Variants in GPR161 observed in about 807,000 individuals in gnomAD.
GPR161 encodes G-protein coupled receptor RE2.
GPR161 carries 25 observed loss-of-function variants against 39.2 expected under a neutral mutation model. That is an observed-to-expected ratio of 0.64 (90% CI 0.47 to 0.89). GPR161 has a LOEUF of 0.89. Ranked by LOEUF, GPR161 falls within the 40% of genes least tolerant of loss-of-function variation. The pLI, the probability that GPR161 is intolerant of heterozygous loss-of-function variation, is 0.00. For missense variants in GPR161, 547 were observed against 677.8 expected (o/e 0.81, Z 2.14); for synonymous variants, 286 against 276.6 (o/e 1.03, Z -0.34).
In GPR161 at chr1:168,111,818, G is replaced by A. The variant is rs115439772; in HGVS notation, c.-44-6924C>T. On this transcript the variant is annotated intron_variant, in intron 1 of 5. Transcript: ENST00000682931. ...TTAAAGAAATATCCTCAAATTGAAA[G>A]AGCATATCAAGTTCTGAAAATAATT... 8.2e-3 allele frequency among the ~76,000 whole-genome samples: 1,242 copies of A among 152,174 alleles called. 3 individuals are homozygous for A. The highest frequency in any genetic ancestry group is 0.037 in the Middle Eastern group (11 of 294).
At chr1:168,111,299 G>A (rs928076147) in intron 1 of GPR161, among the ~76,000 whole-genome samples, 6 of 152,196 alleles carry the variant, frequency 3.9e-5, no homozygotes, top group Non-Finnish European at 7.3e-5. Flanking sequence ...CCTCAGAGAA[G>A]CCTGATCTTA....
chr1:168,136,316 G>C (rs1461047453), intron 1 of GPR161: 1 of 1,484,576 alleles, frequency 6.7e-7, no homozygotes, highest in East Asian at 2.8e-5. Flanking sequence ...CCTTTGCCCT[G>C]AGCGGGACGT....
In GPR161 at chr1:168,082,185, T is replaced by C. The variant is rs1252780265; in HGVS notation, c.*3346A>G. ...AATAAGAATCAAGGAACATTGGCACTAGATGGCCCTTGTCTTACACTCCTC... is the reference window on the plus strand; with the variant it reads ...AATAAGAATCAAGGAACATTGGCACCAGATGGCCCTTGTCTTACACTCCTC... On this transcript the variant is annotated 3_prime_UTR_variant, in exon 6 of 6. Transcript: ENST00000682931. The C allele has an allele frequency of 6.6e-6, 1 of 152,208 alleles. No homozygotes were observed. Among genetic ancestry groups the C allele is most frequent in the Non-Finnish European group, 1.5e-5 (1 of 68,054 alleles). 9.4% of individuals were successfully genotyped at this position (152,208 alleles called of 1,614,324 possible). A position where few individuals can be genotyped will look rare whatever the true frequency, so the allele number is the denominator to read the frequency against.
chr1:168,091,747 A>T (rs1695086918), intron 3 of GPR161, among the ~76,000 whole-genome samples: 1 of 152,214 alleles, frequency 6.6e-6, no homozygotes, highest in African/African-American at 2.4e-5. Flanking sequence ...CATCCTCAGA[A>T]TGTTAGGAAA....
rs1218112065 is a variant in GPR161, at chr1:168,084,190, G to C, written c.*1341C>G. 6.5e-6 allele frequency: 1 copy of C among 154,784 alleles called. No homozygotes were observed. The highest frequency in any genetic ancestry group is 2.4e-5 in the African/African-American group (1 of 41,442). 9.6% of individuals were successfully genotyped at this position (154,784 alleles called of 1,614,324 possible). ...CTGCCCCTCATGCATCTTGGTGGCT[G>C]GCATTCTATCCAGATTGTGCTCTAA... On this transcript the variant is annotated 3_prime_UTR_variant, in exon 6 of 6. Coordinates refer to ENST00000682931, the MANE Select transcript of GPR161 (RefSeq NM_001375883.1).
At chr1:168,136,283 G>A (rs1699363195) in intron 1 of GPR161, 1 of 1,451,930 alleles carries the variant, frequency 6.9e-7, no homozygotes, top group Non-Finnish European at 9.1e-7. Flanking sequence ...CCAGCCGAGG[G>A]GCGTGACCGC....
chr1:168,099,835 TTGG>T (rs1413081769), intron 2 of GPR161, among the ~76,000 whole-genome samples: 11 of 109,858 alleles, frequency 1.0e-4, no homozygotes, highest in African/African-American at 3.6e-4. Context: ...AGTTTTTTTT[TTGG>T]GGGGGGGGGG....
chr1:168,119,266 A>ATG lies in GPR161; in HGVS notation c.-44-14374_-44-14373dup, dbSNP rs546239917. ...TACACATATATATATACGTATATAT[A>ATG]TGTGTATATATATATATATATACAC... On this transcript the variant is annotated intron_variant, in intron 1 of 5. Coordinates refer to ENST00000682931, the MANE Select transcript of GPR161 (RefSeq NM_001375883.1). Among the ~76,000 whole-genome samples, 55 of 125,012 alleles carry ATG rather than the reference A, an allele frequency of 4.4e-4. 5 individuals carry two copies. Among genetic ancestry groups the ATG allele is most frequent in the East Asian group, 2.4e-3 (10 of 4,150 alleles). 82.0% of individuals were successfully genotyped at this position (125,012 alleles called of 152,430 possible).
chr1:168,104,076 G>T (rs535315820), intron 2 of GPR161, among the ~76,000 whole-genome samples: 2 of 152,242 alleles, frequency 1.3e-5, no homozygotes, highest in South Asian at 4.1e-4. Flanking sequence ...GGTGTTCCCT[G>T]TTCGGGCTGC....
intron 3 of GPR161, among the ~76,000 whole-genome samples, chr1:168,095,619 G>A (rs182155982): frequency 1.1e-4 from 17 of 152,256 alleles, no homozygotes; most frequent in Non-Finnish European, 2.1e-4. Context: ...ATGATGCTTC[G>A]ATGGAAGGCT....
chr1:168,130,114 C>T (rs908193508), intron 1 of GPR161, among the ~76,000 whole-genome samples: 27 of 152,320 alleles, frequency 1.8e-4, no homozygotes, highest in East Asian at 5.8e-4. Context: ...ACCCTGTAAG[C>T]GCTGCAGTTT....
chr1:168,136,401 C>A (rs1193026345), intron 1 of GPR161: 9 of 1,401,164 alleles, frequency 6.4e-6, no homozygotes, highest in African/African-American at 1.5e-5. Context: ...TCCCATCCAG[C>A]GGACTGTTTA....
At chr1:168,124,108 C>T (rs950904118) in intron 1 of GPR161, among the ~76,000 whole-genome samples, 6 of 152,206 alleles carry the variant, frequency 3.9e-5, no homozygotes, top group Non-Finnish European at 8.8e-5. Context: ...TCTTCATCTG[C>T]CCATCTATCT....
intron 1 of GPR161, 97 bp downstream of exon 1, chr1:168,136,642 C>G: frequency 8.2e-6 from 10 of 1,213,606 alleles, no homozygotes; most frequent in Non-Finnish European, 1.0e-5. Context: ...CGGCCCGCGC[C>G]CTGAGCCCTC....
At position 168,081,101 on chromosome 1, in the gene GPR161, T is replaced by A. The variant is rs1337725518; in HGVS notation, c.*4430A>T. Reference sequence around the variant, plus strand: ...CTGGTCTCGAACTCCTGACCTCAGGTGATCTGCCCATCTCGACCCCCCAAA... The same window carrying A: ...CTGGTCTCGAACTCCTGACCTCAGGAGATCTGCCCATCTCGACCCCCCAAA... On this transcript the variant is annotated 3_prime_UTR_variant, in exon 6 of 6. Coordinates refer to ENST00000682931, the MANE Select transcript of GPR161 (RefSeq NM_001375883.1). 1 of 152,114 alleles carries A rather than the reference T, an allele frequency of 6.6e-6. No homozygotes were observed. The highest frequency in any genetic ancestry group is 1.5e-5 in the Non-Finnish European group (1 of 68,046). The allele number at this position is 152,114 out of a possible 1,614,324, so 9.4% of individuals were successfully genotyped here.
intron 5 of GPR161, among the ~76,000 whole-genome samples, chr1:168,086,781 G>C (rs368739148): frequency 3.3e-5 from 5 of 152,214 alleles, no homozygotes; most frequent in Admixed American, 3.3e-4. Flanking sequence ...CCAGTGAAGC[G>C]AATGAACTGT....
rs1558130126 is a variant in GPR161 at position 168,119,268 on chromosome 1, G to GTATACA, written c.-44-14375_-44-14374insTGTATA. Among the ~76,000 whole-genome samples, 848 of 99,972 alleles carry GTATACA rather than the reference G, an allele frequency of 8.5e-3. 81 individuals are homozygous for GTATACA. Among genetic ancestry groups the GTATACA allele is most frequent in the African/African-American group, 0.039 (767 of 19,638 alleles). The allele number at this position is 99,972 out of a possible 152,430, so 65.6% of individuals were successfully genotyped here. On this transcript the variant is annotated intron_variant, in intron 1 of 5. Coordinates refer to ENST00000682931, the MANE Select transcript of GPR161 (RefSeq NM_001375883.1). ...CACATATATATATACGTATATATAT[G>GTATACA]TGTATATATATATATATATACACAT...
upstream of GPR161, chr1:168,137,123 C>A (rs1264578304): frequency 2.9e-6 from 3 of 1,049,150 alleles, no homozygotes; most frequent in South Asian, 7.9e-5. Flanking sequence ...CCCATTTCTT[C>A]CCACGAACAG....
chr1:168,100,280 T>C (rs1695978209), intron 2 of GPR161, among the ~76,000 whole-genome samples: 1 of 150,826 alleles, frequency 6.6e-6, no homozygotes, highest in Non-Finnish European at 1.5e-5. Flanking sequence ...TGGGTATATG[T>C]GTTCTCAATC....
Sources: gnomAD v4.1 joint callset for allele counts (sites outside exome capture counted in the v4.1 genomes callset) on GRCh38, gnomAD v4.1.1 for gene constraint, MANE v1.5 for transcripts, NCBI Gene and HGNC (gene_info 2026-07-23, HGNC 2026-07-21) for gene names.